The following KIF24 variants were observed in gnomAD, a reference collection of about 807,000 sequenced individuals.
KIF24 encodes kinesin-like protein KIF24.
In KIF24, 81 loss-of-function variants were observed where a neutral mutation model predicts 118.9. That is an observed-to-expected ratio of 0.68 (90% confidence interval 0.57 to 0.82). The LOEUF is 0.82. Ranked by LOEUF, KIF24 falls within the 40% of genes least tolerant of loss-of-function variation. The pLI is 0.00. For missense variants in KIF24, 1,560 were observed against 1,661.6 expected, an observed-to-expected ratio of 0.94 and a Z score of 1.06; for synonymous variants, 599 against 610.0, an observed-to-expected ratio of 0.98 and a Z score of 0.27.
chr9:34,304,265 T>A (rs2131797401), intron 3 of KIF24, among the ~76,000 whole-genome samples: 1 of 152,308 alleles, frequency 6.6e-6, no homozygotes, highest in African/African-American at 2.4e-5. Context: ...GAAAAAGAAG[T>A]CTTCCCAGCA....
chr9:34,270,947 T>C (rs1352510214), intron 7 of KIF24, among the ~76,000 whole-genome samples: 1 of 148,206 alleles, frequency 6.7e-6, no homozygotes, highest in Non-Finnish European at 1.5e-5. Context: ...AAAAAAAAAA[T>C]AGCTAGGTGT....
At chr9:34,255,638 C>T in intron 11 of KIF24, 97 bp downstream of exon 11, 2 of 1,097,522 alleles carry the variant, frequency 1.8e-6, no homozygotes, top group Non-Finnish European at 2.6e-6. Context: ...ACCTGCGTAC[C>T]CCTGCATGGC....
intron 1 of KIF24, among the ~76,000 whole-genome samples, chr9:34,320,332 C>CAAAAAA (rs66835823): frequency 1.0e-4 from 11 of 106,212 alleles, no homozygotes; most frequent in African/African-American, 2.8e-4. Flanking sequence ...AATGTTCCAA[C>CAAAAAA]AAAAAAAAAA....
At chr9:34,319,493 C>T in intron 1 of KIF24, 5 of 1,292,606 alleles carry the variant, frequency 3.9e-6, no homozygotes, top group Non-Finnish European at 5.6e-6. Flanking sequence ...ACGGCAACTC[C>T]TTTGACCAGG....
chr9:34,260,902 G>A (rs1835029451), intron 9 of KIF24, among the ~76,000 whole-genome samples: 1 of 152,126 alleles, frequency 6.6e-6, no homozygotes, highest in African/African-American at 2.4e-5. Flanking sequence ...AACCCAGGAG[G>A]TGGAGGTTGC....
rs531631523 is a variant in KIF24, at chr9:34,272,442, A to C, written c.1216-512T>G. The stretch of plus-strand genomic sequence containing the variant: ...AAGCCCATGATTTCCCTTGAGACTA[A>C]TCCTCACTCACCCTAGACTGGGAGT... On this transcript the variant is annotated intron_variant, in intron 6 of 12. Coordinates refer to ENST00000402558, the MANE Select transcript of KIF24 (RefSeq NM_194313.4). Among the ~76,000 whole-genome samples the C allele has an allele frequency of 1.8e-3, 269 of 152,314 alleles. 1 individual carries two copies. Among genetic ancestry groups the C allele is most frequent in the Non-Finnish European group, 3.2e-3 (216 of 68,026 alleles).
intron 11 of KIF24, 30 bp downstream of exon 11, chr9:34,255,705 C>T: frequency 6.4e-7 from 1 of 1,566,620 alleles, no homozygotes; most frequent in Non-Finnish European, 8.7e-7. Context: ...GCCAAAGGGG[C>T]TCAAGTCTTA....
intron 3 of KIF24, among the ~76,000 whole-genome samples, chr9:34,305,982 A>G (rs1836900192): frequency 6.6e-6 from 1 of 152,188 alleles, no homozygotes; most frequent in Admixed American, 6.5e-5. Context: ...AAATTCACAC[A>G]AAGCATGTTA....
At position 34,255,812 on chromosome 9, in the gene KIF24, C is replaced by T; in HGVS notation, c.3795G>A (p.Arg1265=). The change falls in exon 11 of 13, where the codon AGG becomes AGA. Residue 1265 remains arginine (R), a synonymous_variant. Transcript: ENST00000402558. ...AGCTGGGAACCAAGGGAGAACTTGG[C>T]CTTGCTAAGCACCTTGAGATCGGCC... ...KPRPISRCLA[R]PSSPLVPSCS... 1 of 1,613,846 alleles carries T rather than the reference C, an allele frequency of 6.2e-7. No homozygotes were observed.
intron 2 of KIF24, among the ~76,000 whole-genome samples, chr9:34,307,356 C>T (rs763094805): frequency 7.3e-5 from 11 of 150,986 alleles, no homozygotes; most frequent in Non-Finnish European, 1.0e-4. Flanking sequence ...TCAGTCATCA[C>T]GCTCAGCCTG....
At chr9:34,326,618 C>T (rs1837679597) in intron 1 of KIF24, among the ~76,000 whole-genome samples, 1 of 152,072 alleles carries the variant, frequency 6.6e-6, no homozygotes, top group Admixed American at 6.6e-5. Flanking sequence ...CACGTGAGCA[C>T]ATTAGCCCAA....
At position 34,252,951 on chromosome 9, in the gene KIF24, AAAGT is replaced by A. The variant is rs992357886; in HGVS notation, c.*1425_*1428del. On this transcript the variant is annotated 3_prime_UTR_variant, in exon 13 of 13. Coordinates refer to ENST00000402558, the MANE Select transcript of KIF24 (RefSeq NM_194313.4). ...TGATGATAGAATAGGGTTCATTCCT[AAAGT>A]AAGTAAGTTTTTGTCCTTGACCTTA... The A allele has an allele frequency of 5.2e-4, 80 of 152,400 alleles. No individual in the cohort carries two copies. Among genetic ancestry groups the A allele is most frequent in the Middle Eastern group, 3.3e-3 (1 of 302 alleles). The allele number at this position is 152,400 out of a possible 1,614,324, so 9.4% of individuals were successfully genotyped here. A position where few individuals can be genotyped will look rare whatever the true frequency, so the allele number is the denominator to read the frequency against.
chr9:34,307,604 C>T (rs532847950), intron 2 of KIF24, among the ~76,000 whole-genome samples: 38 of 151,840 alleles, frequency 2.5e-4, no homozygotes, highest in Non-Finnish European at 4.7e-4. Flanking sequence ...GTGGGAAAAT[C>T]GTGACAATCA....
chr9:34,272,831 C>T (rs1835555680), intron 6 of KIF24, among the ~76,000 whole-genome samples: 1 of 152,046 alleles, frequency 6.6e-6, no homozygotes, highest in Admixed American at 6.6e-5. Context: ...ACTATGTTGC[C>T]CAGGCTGGTC....
At chr9:34,269,701 G>A (rs1055267887) in intron 7 of KIF24, among the ~76,000 whole-genome samples, 54 of 152,146 alleles carry the variant, frequency 3.5e-4, no homozygotes, top group Middle Eastern at 3.4e-3. Flanking sequence ...TTACAGGCAT[G>A]AGCCACCGCG....
intron 10 of KIF24, among the ~76,000 whole-genome samples, chr9:34,258,781 C>A (rs1001999047): frequency 1.3e-5 from 2 of 152,176 alleles, no homozygotes; most frequent in African/African-American, 4.8e-5. Flanking sequence ...GGAAGCAAAA[C>A]CTCCAGAAAT....
chr9:34,283,777 A>T (rs2131735358), intron 6 of KIF24, among the ~76,000 whole-genome samples: 1 of 152,368 alleles, frequency 6.6e-6, no homozygotes, highest in Admixed American at 6.5e-5. Context: ...ACAAGTTAAA[A>T]ATATGAGAAA....
chr9:34,263,971 G>A (rs1045165880), intron 8 of KIF24, among the ~76,000 whole-genome samples: 8 of 151,946 alleles, frequency 5.3e-5, no homozygotes, highest in South Asian at 2.1e-4. Context: ...AGTGAGAAGC[G>A]CTCATTGGAC....
intron 1 of KIF24, among the ~76,000 whole-genome samples, chr9:34,327,948 CACT>C (rs1317541894): frequency 6.6e-6 from 1 of 151,892 alleles, no homozygotes; most frequent in Non-Finnish European, 1.5e-5. Context: ...AGTGGGTTTC[CACT>C]ACATGTCACA....
Sources: allele counts gnomAD v4.1 joint callset (sites outside exome capture counted in the v4.1 genomes callset), GRCh38; gene constraint gnomAD v4.1.1; transcripts MANE v1.5; gene names NCBI Gene and HGNC (gene_info 2026-07-23, HGNC 2026-07-21).